The following BTRC variants were observed in gnomAD, a reference collection of about 807,000 sequenced individuals.
BTRC encodes the protein F-box/WD repeat-containing protein 1A.
In BTRC, 42 loss-of-function variants were observed where a neutral mutation model predicts 85.5. The observed-to-expected ratio is 0.49, with a 90% CI of 0.38 to 0.64. BTRC has a LOEUF of 0.64. BTRC is among the 30% of genes least tolerant of loss of function. The pLI, the probability that BTRC is intolerant of heterozygous loss-of-function variation, is 0.00. For missense variants in BTRC, 594 were observed against 743.5 expected (o/e 0.80, Z 2.34); for synonymous variants, 255 against 263.3 (o/e 0.97, Z 0.30).
chr10:101,550,325 C>A (rs182910649), intron 13 of BTRC, among the ~76,000 whole-genome samples: 3 of 151,838 alleles, frequency 2.0e-5, no homozygotes, highest in East Asian at 3.9e-4. Context: ...CACTCTGTTG[C>A]CCAGGCTGGA....
rs549474862 is a variant in BTRC at position 101,509,719 on chromosome 10, ATTTT to A, written c.325-11901_325-11898del. ...AGGCATGCACCACCACACACAGCTA[ATTTT>A]TTTTTTTTTTTTTTTTTTGGTAGAG... On this transcript the variant is annotated intron_variant, in intron 4 of 14. Coordinates refer to ENST00000370187, the MANE Select transcript of BTRC (RefSeq NM_033637.4). Among the ~76,000 whole-genome samples the A allele has an allele frequency of 7.9e-4, 95 of 120,326 alleles. 1 individual carries two copies. The highest frequency in any genetic ancestry group is 2.2e-3 in the East Asian group (8 of 3,720). The allele number at this position is 120,326 out of a possible 152,430, so 78.9% of individuals were successfully genotyped here. A position where few individuals can be genotyped will look rare whatever the true frequency, so the allele number is the denominator to read the frequency against.
intron 2 of BTRC, among the ~76,000 whole-genome samples, chr10:101,455,237 T>C (rs1371850567): frequency 1.4e-5 from 2 of 146,964 alleles, no homozygotes; most frequent in African/African-American, 2.5e-5. Context: ...TTTTTTTTTA[T>C]GTAGAGGTAG....
intron 1 of BTRC, among the ~76,000 whole-genome samples, chr10:101,369,580 C>G (rs1341633538): frequency 6.6e-6 from 1 of 152,132 alleles, no homozygotes; most frequent in Non-Finnish European, 1.5e-5. Context: ...TTAGAAGTTT[C>G]TTTTAGTAGA....
At chr10:101,454,624 A>G (rs1479456887) in intron 2 of BTRC, among the ~76,000 whole-genome samples, 2 of 152,130 alleles carry the variant, frequency 1.3e-5, no homozygotes, top group Non-Finnish European at 2.9e-5. Context: ...CTACAAAAAA[A>G]CAGAAAAATT....
At chr10:101,370,987 A>C (rs1046517264) in intron 1 of BTRC, among the ~76,000 whole-genome samples, 14 of 152,344 alleles carry the variant, frequency 9.2e-5, no homozygotes, top group African/African-American at 3.4e-4. Context: ...GTGGTAAAAT[A>C]CATGTAAAAT....
intron 3 of BTRC, among the ~76,000 whole-genome samples, chr10:101,475,953 A>ATATATATATATATATATTTT (rs1265691229): frequency 3.0e-5 from 4 of 133,804 alleles, no homozygotes; most frequent in African/African-American, 1.2e-4. Flanking sequence ...ATATATATAT[A>ATATATATATATATATATTTT]TTCAGTAATT....
Position 101,521,626 on chromosome 10 carries a change from C to A in BTRC, c.325-13C>A, listed in dbSNP as rs750163906. ...ACTAATCATTTTATGTTTCTTTTAA[C>A]CCCCTTCTACAGACAAAACTTGCCA... On this transcript the variant is annotated splice_polypyrimidine_tract_variant and intron_variant, in intron 4 of 14. Coordinates refer to ENST00000370187, the MANE Select transcript of BTRC (RefSeq NM_033637.4). The A allele has an allele frequency of 5.7e-6, 9 of 1,586,434 alleles. No individual in the cohort carries two copies. Among genetic ancestry groups the A allele is most frequent in the African/African-American group, 2.7e-5 (2 of 74,024 alleles).
At chr10:101,543,399 C>T (rs2062502577) in intron 13 of BTRC, among the ~76,000 whole-genome samples, 1 of 150,232 alleles carries the variant, frequency 6.7e-6, no homozygotes, top group Non-Finnish European at 1.5e-5. Flanking sequence ...TTTTAATATG[C>T]CTGTGTCTTT....
At chr10:101,365,265 G>A (rs1428968294) in intron 1 of BTRC, among the ~76,000 whole-genome samples, 4 of 150,786 alleles carry the variant, frequency 2.7e-5, no homozygotes, top group East Asian at 2.0e-4. Flanking sequence ...TAGAGATGGG[G>A]TTTCTCCATG....
chr10:101,446,852 A>G (rs904485083), intron 2 of BTRC, among the ~76,000 whole-genome samples: 16 of 152,124 alleles, frequency 1.1e-4, no homozygotes, highest in Admixed American at 1.0e-3. Flanking sequence ...CTATCCCCCA[A>G]AGATCTAAAC....
At chr10:101,552,032 A>G (rs2062658541) in intron 14 of BTRC, among the ~76,000 whole-genome samples, 1 of 151,942 alleles carries the variant, frequency 6.6e-6, no homozygotes, top group African/African-American at 2.4e-5. Flanking sequence ...CCTTTGCCCA[A>G]AATTTTCTCT....
At chr10:101,400,588 T>C (rs956035563) in intron 1 of BTRC, among the ~76,000 whole-genome samples, 2 of 152,198 alleles carry the variant, frequency 1.3e-5, no homozygotes, top group Non-Finnish European at 2.9e-5. Flanking sequence ...TTGCCTCCTC[T>C]CCCTGTCAAA....
intron 1 of BTRC, among the ~76,000 whole-genome samples, chr10:101,423,043 G>C (rs936357433): frequency 6.6e-6 from 1 of 151,970 alleles, no homozygotes; most frequent in Non-Finnish European, 1.5e-5. Context: ...TCCTATCCAT[G>C]AGTTTTTTTT....
intron 3 of BTRC, among the ~76,000 whole-genome samples, chr10:101,463,196 C>T (rs1396435105): frequency 6.6e-6 from 1 of 152,164 alleles, no homozygotes; most frequent in Non-Finnish European, 1.5e-5. Flanking sequence ...CAGGTGCCCA[C>T]TACCACACCG....
chr10:101,402,183 A>G (rs752945181), intron 1 of BTRC, among the ~76,000 whole-genome samples: 5 of 152,140 alleles, frequency 3.3e-5, no homozygotes, highest in Admixed American at 2.6e-4. Flanking sequence ...GATAAATCTA[A>G]ATTCATATGT....
At chr10:101,431,287 G>C (rs1440001640) in intron 2 of BTRC, among the ~76,000 whole-genome samples, 1 of 151,798 alleles carries the variant, frequency 6.6e-6, no homozygotes, top group African/African-American at 2.4e-5. Flanking sequence ...ATGTTGGCCA[G>C]GCTGGTCTCG....
At position 101,555,269 on chromosome 10, in the gene BTRC, C is replaced by G. The variant is rs913231672; in HGVS notation, c.*2146C>G. ...TGCCCAATAGCCATAATTTTACCAG[C>G]CTTTCTGTCATATGCTGCTATTACA... On this transcript the variant is annotated 3_prime_UTR_variant, in exon 15 of 15. Coordinates refer to ENST00000370187, the MANE Select transcript of BTRC (RefSeq NM_033637.4). 2 of 152,658 alleles carry G rather than the reference C, an allele frequency of 1.3e-5. No individual in the cohort carries two copies. The highest frequency in any genetic ancestry group is 2.9e-5 in the Non-Finnish European group (2 of 68,036). The allele number at this position is 152,658 out of a possible 1,614,324, so 9.5% of individuals were successfully genotyped here. A position where few individuals can be genotyped will look rare whatever the true frequency, so the allele number is the denominator to read the frequency against.
At chr10:101,360,821 A>G (rs1038501629) in intron 1 of BTRC, among the ~76,000 whole-genome samples, 11 of 151,856 alleles carry the variant, frequency 7.2e-5, no homozygotes, top group African/African-American at 2.7e-4. Context: ...AATCTCACCT[A>G]CTTTCTAGCA....
chr10:101,490,084 A>G (rs1315250816), intron 4 of BTRC, among the ~76,000 whole-genome samples: 2 of 145,276 alleles, frequency 1.4e-5, no homozygotes, highest in African/African-American at 2.5e-5. Flanking sequence ...TCATAATTCT[A>G]AGTTTTCTCT....
Sources: allele counts gnomAD v4.1 joint callset (sites outside exome capture counted in the v4.1 genomes callset), GRCh38; gene constraint gnomAD v4.1.1; transcripts MANE v1.5; gene names NCBI Gene and HGNC (gene_info 2026-07-23, HGNC 2026-07-21).